DDX42: variants seen among roughly 807,000 people sequenced by gnomAD.
DDX42 encodes DEAD-box helicase 42.
In DDX42, 22 loss-of-function variants were observed where a neutral mutation model predicts 101.5. That is an observed-to-expected ratio of 0.22 (90% confidence interval 0.15 to 0.31). DDX42 has a LOEUF of 0.31. DDX42 is among the 10% of genes least tolerant of loss of function. DDX42 has a pLI of 1.00. For synonymous variants in DDX42, 402 were observed against 401.2 expected (o/e 1.00, Z -0.02); for missense variants, 849 against 1,199.9 (o/e 0.71, Z 4.32).
Position 63,789,553 on chromosome 17 carries a change from GTTTTTGTTTTTGTTTTTGT to G in DDX42, c.221+2289_221+2307del, listed in dbSNP as rs2039596074. ...AAAAAAGCTTCTAAAAGACTTTTTT[GTTTTTGTTTTTGTTTTTGT>G]TTTTTTTTTTTTTTTTTTGAGACAG... On this transcript the variant is annotated intron_variant, in intron 2 of 17. Coordinates refer to ENST00000389924, the MANE Select transcript of DDX42 (RefSeq NM_203499.3). Among the ~76,000 whole-genome samples, 9 of 28,642 alleles carry G rather than the reference GTTTTTGTTTTTGTTTTTGT, an allele frequency of 3.1e-4. 1 individual carries two copies. Among genetic ancestry groups the G allele is most frequent in the South Asian group, 4.3e-3 (2 of 466 alleles). 18.8% of individuals were successfully genotyped at this position (28,642 alleles called of 152,430 possible).
At chr17:63,792,313 CTAATAA>C in intron 2 of DDX42, 93 bp from the exon 3 acceptor site, 2 of 1,325,486 alleles carry the variant, frequency 1.5e-6, no homozygotes, top group Non-Finnish European at 2.1e-6. Context: ...ATTACATCTC[CTAATAA>C]TAAGATATAC....
Position 63,802,896 on chromosome 17 carries a change from A to G in DDX42, c.622-2175A>G, listed in dbSNP as rs2144568451. Among the ~76,000 whole-genome samples, 3 of 140,434 alleles carry G rather than the reference A, an allele frequency of 2.1e-5. No individual in the cohort carries two copies. In the Admixed American group the frequency reaches 2.2e-4, roughly 10 times the overall value. The allele number at this position is 140,434 out of a possible 152,430, so 92.1% of individuals were successfully genotyped here. On this transcript the variant is annotated intron_variant, in intron 6 of 17. Coordinates refer to ENST00000389924, the MANE Select transcript of DDX42 (RefSeq NM_203499.3). ...TTGCACTCCAGCCTGGGCAATAAGAACAACACTCCATCTCAAAAAAAAAAA... is the reference window on the plus strand; with the variant it reads ...TTGCACTCCAGCCTGGGCAATAAGAGCAACACTCCATCTCAAAAAAAAAAA...
chr17:63,807,960 CAAGTG>C, intron 9 of DDX42, 60 bp downstream of exon 9: 1 of 1,504,594 alleles, frequency 6.6e-7, no homozygotes, highest in Non-Finnish European at 8.9e-7. Flanking sequence ...ACCAGCCAGT[CAAGTG>C]AGGTAGAATG....
chr17:63,810,437 T>A lies in DDX42; in HGVS notation c.1253-76T>A, dbSNP rs1366359099. The A allele has an allele frequency of 2.0e-6, 3 of 1,486,648 alleles. No homozygotes were observed. The Admixed American group carries it at 5.5e-5, about 27-fold the overall frequency. The allele number at this position is 1,486,648 out of a possible 1,614,324, so 92.1% of individuals were successfully genotyped here. A position where few individuals can be genotyped will look rare whatever the true frequency, so the allele number is the denominator to read the frequency against. ...TTCTTACAACTTCTTATGAAGACTTTTACTAATATGGCTTTTTCCAGGCTT... is the reference window on the plus strand; with the variant it reads ...TTCTTACAACTTCTTATGAAGACTTATACTAATATGGCTTTTTCCAGGCTT... On this transcript the variant is annotated intron_variant, in intron 11 of 17. Coordinates refer to ENST00000389924, the MANE Select transcript of DDX42 (RefSeq NM_203499.3).
chr17:63,809,284 T>C (rs548733314), intron 10 of DDX42, among the ~76,000 whole-genome samples: 2 of 152,220 alleles, frequency 1.3e-5, no homozygotes, highest in Non-Finnish European at 2.9e-5. Flanking sequence ...AAACCTGTCA[T>C]TATGCTTTAA....
chr17:63,811,975 G>C lies in DDX42; in HGVS notation c.1442G>C (p.Gly481Ala). ...VTQIVEILHS[G>A]PSKWNWLTRR... ...CAGATTGTGGAGATTCTCCATTCTG[G>C]ACCTAGTAAATGGAACTGGCTTACC... Residue 481 changes from glycine to alanine, a missense_variant, in exon 14 of 18, where the codon GGA (glycine) becomes GCA (alanine). Coordinates refer to ENST00000389924, the MANE Select transcript of DDX42 (RefSeq NM_203499.3). 1 of 1,614,186 alleles carries C rather than the reference G, an allele frequency of 6.2e-7. No individual in the cohort carries two copies.
intron 2 of DDX42, among the ~76,000 whole-genome samples, chr17:63,791,499 CAG>C (rs2039627108): frequency 6.6e-6 from 1 of 151,972 alleles, no homozygotes; most frequent in African/African-American, 2.4e-5. Flanking sequence ...TTAGTAGACA[CAG>C]GGTTTCACCA....
chr17:63,800,356 TGGTA>T (rs2039747484), intron 5 of DDX42, 108 bp from the exon 6 acceptor site: 4 of 916,572 alleles, frequency 4.4e-6, no homozygotes, highest in African/African-American at 1.7e-5. Flanking sequence ...TTGCCTTACT[TGGTA>T]GGTATGTTAA....
intron 15 of DDX42, among the ~76,000 whole-genome samples, chr17:63,814,385 C>G (rs746846586): frequency 2.6e-5 from 4 of 152,236 alleles, no homozygotes; most frequent in Non-Finnish European, 4.4e-5. Context: ...TACAACCCAG[C>G]TGCAATGTGG....
chr17:63,809,323 C>T (rs1007508879), intron 10 of DDX42, among the ~76,000 whole-genome samples: 2 of 152,224 alleles, frequency 1.3e-5, no homozygotes, highest in Non-Finnish European at 1.5e-5. Flanking sequence ...GCCTCAAAAA[C>T]TGCTTCTGGC....
intron 10 of DDX42, among the ~76,000 whole-genome samples, chr17:63,809,180 C>T (rs2039879929): frequency 6.6e-6 from 1 of 152,174 alleles, no homozygotes; most frequent in South Asian, 2.1e-4. Flanking sequence ...AATAGTTTTT[C>T]TTATACTCTC....
At chr17:63,808,212 C>G (rs970654613) in intron 9 of DDX42, among the ~76,000 whole-genome samples, 1 of 152,172 alleles carries the variant, frequency 6.6e-6, no homozygotes, top group African/African-American at 2.4e-5. Context: ...GAGTCTCACT[C>G]TTTTGCCCAG....
At chr17:63,800,334 C>A in intron 5 of DDX42, 134 bp from the exon 6 acceptor site, 2 of 660,678 alleles carry the variant, frequency 3.0e-6, no homozygotes, top group Non-Finnish European at 4.9e-6. Context: ...GGAATCATTG[C>A]TAGTAAGGAT....
Position 63,818,884 on chromosome 17 carries a change from A to G in DDX42, c.*486A>G, listed in dbSNP as rs1281617730. 1 of 156,702 alleles carries G rather than the reference A, an allele frequency of 6.4e-6. No individual in the cohort carries two copies. Among genetic ancestry groups the G allele is most frequent in the East Asian group, 1.9e-4 (1 of 5,342 alleles). The allele number at this position is 156,702 out of a possible 1,614,324, so 9.7% of individuals were successfully genotyped here. A position where few individuals can be genotyped will look rare whatever the true frequency, so the allele number is the denominator to read the frequency against. On this transcript the variant is annotated 3_prime_UTR_variant, in exon 18 of 18. Transcript: ENST00000389924. ...TTGGTAGTTGTAGACATTTGCAGGG[A>G]AGGGAGATGTCTGATTCTAAATGGG... is the stretch of plus-strand genomic sequence containing the variant.
intron 2 of DDX42, among the ~76,000 whole-genome samples, chr17:63,787,822 C>T (rs1473482361): frequency 1.3e-5 from 2 of 150,860 alleles, no homozygotes; most frequent in Non-Finnish European, 2.9e-5. Context: ...ACCTGGGCGA[C>T]AGAGCAAGAC....
intron 10 of DDX42, 24 bp from the exon 11 acceptor site, chr17:63,809,533 TTAC>T: frequency 6.3e-7 from 1 of 1,590,268 alleles, no homozygotes; most frequent in Non-Finnish European, 8.6e-7. Flanking sequence ...TTAATTATAC[TTAC>T]TGTTCATTTT....
chr17:63,809,976 C>T (rs1380355689), intron 11 of DDX42, among the ~76,000 whole-genome samples: 1 of 152,112 alleles, frequency 6.6e-6, no homozygotes. Context: ...TCAGATCATT[C>T]GAGGCCCTTT....
At position 63,817,798 on chromosome 17, in the gene DDX42, T is replaced by C; in HGVS notation, c.2217T>C (p.Ser739=). 1 of 1,614,222 alleles carries C rather than the reference T, an allele frequency of 6.2e-7. No homozygotes were observed. The highest frequency in any genetic ancestry group is 8.5e-7 in the Non-Finnish European group (1 of 1,180,040). Residue 739 remains serine (S), a synonymous_variant, in exon 18 of 18, where the codon TCT becomes TCC. Transcript: ENST00000389924. ...SGWTSAGSLN[S]VPTNSAQQGH... Reference sequence around the variant, plus strand: ...GGACTAGTGCAGGGAGCTTGAATTCTGTTCCAACTAACTCAGCACAACAGG... The same window carrying C: ...GGACTAGTGCAGGGAGCTTGAATTCCGTTCCAACTAACTCAGCACAACAGG...
At chr17:63,812,938 T>C (rs1377318655) in intron 14 of DDX42, among the ~76,000 whole-genome samples, 1 of 152,108 alleles carries the variant, frequency 6.6e-6, no homozygotes, top group Non-Finnish European at 1.5e-5. Context: ...GGCAGGAGAA[T>C]TGCTTGAACC....
Sources: gnomAD v4.1 joint callset for allele counts (sites outside exome capture counted in the v4.1 genomes callset) on GRCh38, gnomAD v4.1.1 for gene constraint, MANE v1.5 for transcripts, NCBI Gene and HGNC (gene_info 2026-07-23, HGNC 2026-07-21) for gene names.